WNT7B: variants seen among roughly 807,000 people sequenced by gnomAD.
WNT7B encodes the protein protein Wnt-7b.
Under a neutral mutation model 38.2 loss-of-function variants are expected in WNT7B, and 19 were observed. The observed-to-expected ratio is 0.50, with a 90% CI of 0.35 to 0.73. The LOEUF (loss-of-function observed/expected upper bound fraction) is 0.73. WNT7B is among the 30% of genes least tolerant of loss of function. WNT7B has a pLI of 0.01. For missense variants in WNT7B, 423 were observed against 507.9 expected (o/e 0.83, Z 1.61); for synonymous variants, 243 against 209.3 (o/e 1.16, Z -1.39).
At chr22:45,940,241 AC>A (rs1193825944) in intron 2 of WNT7B, among the ~76,000 whole-genome samples, 2 of 151,462 alleles carry the variant, frequency 1.3e-5, no homozygotes, top group African/African-American at 4.9e-5. Context: ...ATGAACTAAG[AC>A]CCCCCACTTC....
intron 2 of WNT7B, among the ~76,000 whole-genome samples, chr22:45,937,684 T>A (rs1931546257): frequency 6.6e-6 from 1 of 152,208 alleles, no homozygotes; most frequent in Non-Finnish European, 1.5e-5. Context: ...AGTTCAATTC[T>A]CCTCCCGTAC....
chr22:45,937,583 C>T (rs1192734910), intron 2 of WNT7B, among the ~76,000 whole-genome samples: 2 of 148,046 alleles, frequency 1.4e-5, no homozygotes, highest in Non-Finnish European at 1.5e-5. Flanking sequence ...CAGCACGTGT[C>T]CCTGGCGTAC....
intron 1 of WNT7B, among the ~76,000 whole-genome samples, chr22:45,963,558 G>T (rs1039912159): frequency 1.3e-5 from 2 of 152,236 alleles, no homozygotes; most frequent in Middle Eastern, 3.4e-3. Flanking sequence ...GGCTTAGAGA[G>T]GAGCAGCATC....
chr22:45,949,658 C>T (rs1157826108), intron 2 of WNT7B, among the ~76,000 whole-genome samples: 10 of 152,258 alleles, frequency 6.6e-5, no homozygotes, highest in East Asian at 3.8e-4. Flanking sequence ...CCCACGGCCA[C>T]GTCACGACGA....
chr22:45,932,684 G>A (rs116990624), intron 2 of WNT7B, among the ~76,000 whole-genome samples: 2,612 of 152,230 alleles, frequency 0.017, 24 homozygotes, highest in Non-Finnish European at 0.028. Flanking sequence ...TGTCCCCAGC[G>A]CCTGGTCCAT....
intron 1 of WNT7B, among the ~76,000 whole-genome samples, chr22:45,955,404 GTA>G (rs1204566623): frequency 6.6e-6 from 1 of 152,228 alleles, no homozygotes; most frequent in East Asian, 1.9e-4. Flanking sequence ...AGCCGTGCGG[GTA>G]GTGTGCTGGG....
chr22:45,967,997 C>G (rs1932350418), intron 1 of WNT7B, among the ~76,000 whole-genome samples: 1 of 152,084 alleles, frequency 6.6e-6, no homozygotes, highest in South Asian at 2.1e-4. Flanking sequence ...GAGGGCTGAA[C>G]CCCTGGGATC....
intron 2 of WNT7B, among the ~76,000 whole-genome samples, chr22:45,939,644 C>CAA (rs1931596297): frequency 6.9e-6 from 1 of 144,112 alleles, no homozygotes; most frequent in South Asian, 2.1e-4. Context: ...CACACACACA[C>CAA]ACACTCACAC....
chr22:45,972,116 G>GGGGCCCCCCC, intron 1 of WNT7B: 4 of 530,722 alleles, frequency 7.5e-6, no homozygotes, highest in Non-Finnish European at 6.6e-6. Flanking sequence ...CCCGGGGGGA[G>GGGGCCCCCCC]CCCACCCGCC....
In WNT7B at chr22:45,976,280, C is replaced by G. The variant is rs868247850; in HGVS notation, c.71+404G>C. On this transcript the variant is annotated intron_variant, in intron 1 of 3. Coordinates refer to ENST00000339464, the MANE Select transcript of WNT7B (RefSeq NM_058238.3). This position sits in a 1 kb window ranked among gnomAD's most constrained non-coding sequence, Gnocchi z 8.5. The stretch of plus-strand genomic sequence containing the variant: ...GGCCTCCGCAGGCGCCGGACGCCCC[C>G]CGACCCCGCCCCGGCGCACCCTCCA... Among the ~76,000 whole-genome samples, 1 of 147,776 alleles carries G rather than the reference C, an allele frequency of 6.8e-6. No individual in the cohort carries two copies. The highest frequency in any genetic ancestry group is 2.1e-4 in the South Asian group (1 of 4,830).
At chr22:45,967,629 A>T (rs1932341335) in intron 1 of WNT7B, among the ~76,000 whole-genome samples, 1 of 148,032 alleles carries the variant, frequency 6.8e-6, no homozygotes, top group Admixed American at 6.7e-5. Context: ...GCCTTGGTCC[A>T]CACCCAAGCA....
intron 2 of WNT7B, among the ~76,000 whole-genome samples, chr22:45,934,218 G>A (rs1169963401): frequency 6.6e-6 from 1 of 152,234 alleles, no homozygotes; most frequent in Non-Finnish European, 1.5e-5. Flanking sequence ...GAGGAGCAAA[G>A]TGCCTGGGGT....
chr22:45,947,873 C>T (rs989817749), intron 2 of WNT7B, among the ~76,000 whole-genome samples: 3 of 152,110 alleles, frequency 2.0e-5, no homozygotes, highest in African/African-American at 4.8e-5. Flanking sequence ...CGGGATGCAG[C>T]GCTCCCAGGA....
intron 3 of WNT7B, among the ~76,000 whole-genome samples, chr22:45,930,459 A>G (rs9330788): frequency 0.67 from 101,597 of 152,244 alleles, 35,930 homozygotes; most frequent in African/African-American, 0.92. Flanking sequence ...GCCGCCGTGC[A>G]GCTGCTCCTC....
At chr22:45,959,119 G>C (rs367706671) in intron 1 of WNT7B, among the ~76,000 whole-genome samples, 17 of 152,320 alleles carry the variant, frequency 1.1e-4, no homozygotes, top group African/African-American at 4.1e-4. Context: ...ATGAATGGTG[G>C]GTGACGAGTG....
intron 3 of WNT7B, chr22:45,925,349 A>AGAGACTGGG: frequency 2.0e-6 from 2 of 983,160 alleles, no homozygotes; most frequent in African/African-American, 1.8e-5. Flanking sequence ...CAAAGACTGG[A>AGAGACTGGG]GAGACTGGGG....
chr22:45,943,238 A>ACCCGGC (rs1569117136), intron 2 of WNT7B, among the ~76,000 whole-genome samples: 2 of 151,962 alleles, frequency 1.3e-5, no homozygotes, highest in African/African-American at 2.4e-5. Context: ...CCCCACCCGG[A>ACCCGGC]CCCCACCCGG....
chr22:45,938,587 A>C (rs10429726), intron 2 of WNT7B, among the ~76,000 whole-genome samples: 45,396 of 151,726 alleles, frequency 0.3, 7,424 homozygotes, highest in East Asian at 0.64. Flanking sequence ...GCAGTGAACC[A>C]AGATCTCACC....
rs139806596 is a variant in WNT7B, at chr22:45,931,191, G to C, written c.477C>G (p.Gly159=). The part of the protein sequence containing the change: ...WGGCSADVRY[G]IDFSRRFVDA... ...CCACGAAGCGCCGGGAGAAGTCGAT[G>C]CCGTAACGCACGTCGGCCGAGCAGC... The change falls in exon 3 of 4, where the codon GGC becomes GGG. Residue 159 remains glycine (G), a synonymous_variant. Coordinates refer to ENST00000339464, the MANE Select transcript of WNT7B (RefSeq NM_058238.3). 1.1e-5 allele frequency: 17 copies of C among 1,599,622 alleles called. No individual in the cohort carries two copies. Among genetic ancestry groups the C allele is most frequent in the Middle Eastern group, 3.3e-4 (2 of 6,042 alleles).
Sources: gnomAD v4.1 joint callset for allele counts (sites outside exome capture counted in the v4.1 genomes callset) on GRCh38, gnomAD v4.1.1 for gene constraint, Gnocchi (gnomAD v3.1) non-coding constraint, MANE v1.5 for transcripts, NCBI Gene and HGNC (gene_info 2026-07-23, HGNC 2026-07-21) for gene names.